MARCO: variants seen among roughly 807,000 people sequenced by gnomAD.
MARCO encodes macrophage receptor with collagenous structure.
MARCO carries 72 observed loss-of-function variants against 70.0 expected under a neutral mutation model. That is an observed-to-expected ratio of 1.03 (90% CI 0.85 to 1.25). The LOEUF (loss-of-function observed/expected upper bound fraction) is 1.25. MARCO is among the 50% of genes most tolerant of loss of function. The probability of loss-of-function intolerance (pLI) is 0.00; values close to 1 mark genes in which losing one functional copy is unlikely to be tolerated. For missense variants in MARCO, 696 were observed against 659.3 expected (o/e 1.06, Z -0.61); for synonymous variants, 273 against 243.1 (o/e 1.12, Z -1.14).
intron 1 of MARCO, chr2:118,944,752 A>G (rs1384295585): frequency 2.0e-5 from 3 of 152,072 alleles, no homozygotes; most frequent in Non-Finnish European, 4.4e-5. Flanking sequence ...AAACTTTTGG[A>G]ATATAACCTT....
chr2:118,955,650 A>G lies in MARCO; in HGVS notation c.97+13253A>G, dbSNP rs572761785. On this transcript the variant is annotated intron_variant, in intron 1 of 16. Transcript: ENST00000327097. ...AAGATCTTCCCCTAGACACATTGTCATCAGGTTATCTAAAGTTAAGATGAA... is the reference window on the plus strand; with the variant it reads ...AAGATCTTCCCCTAGACACATTGTCGTCAGGTTATCTAAAGTTAAGATGAA... 2.5e-4 allele frequency among the ~76,000 whole-genome samples: 38 copies of G among 152,362 alleles called. 1 individual carries two copies. The South Asian group carries it at 7.0e-3, about 28-fold the overall frequency.
At position 118,994,248 on chromosome 2, in the gene MARCO, C is replaced by T. The variant is rs569264800; in HGVS notation, c.1430-139C>T. 8.1e-6 allele frequency: 7 copies of T among 864,084 alleles called. No individual in the cohort carries two copies. In the South Asian group the frequency reaches 1.1e-4, roughly 13 times the overall value. 53.5% of individuals were successfully genotyped at this position (864,084 alleles called of 1,614,324 possible). A position where few individuals can be genotyped will look rare whatever the true frequency, so the allele number is the denominator to read the frequency against. On this transcript the variant is annotated intron_variant, in intron 16 of 16. Transcript: ENST00000327097. ...AAACAGGCTAAGCCAGCCATCAGCACATTGGGCCGGAATGGGCCAGAATGA... is the reference window on the plus strand; with the variant it reads ...AAACAGGCTAAGCCAGCCATCAGCATATTGGGCCGGAATGGGCCAGAATGA...
At chr2:118,977,432 C>G in intron 6 of MARCO, 39 bp from the exon 7 acceptor site, 1 of 1,566,924 alleles carries the variant, frequency 6.4e-7, no homozygotes, top group Non-Finnish European at 8.8e-7. Context: ...TAGACATTCT[C>G]AGGCCACAGC....
chr2:118,953,850 T>A (rs560701358), intron 1 of MARCO, among the ~76,000 whole-genome samples: 9 of 152,278 alleles, frequency 5.9e-5, no homozygotes, highest in African/African-American at 2.2e-4. Context: ...TACCTGGAGC[T>A]GATCAAGTTA....
chr2:118,985,294 C>T (rs933158721), intron 12 of MARCO, among the ~76,000 whole-genome samples: 2 of 152,042 alleles, frequency 1.3e-5, no homozygotes, highest in African/African-American at 2.4e-5. Flanking sequence ...AAATCGGTTA[C>T]CTTCACCCTG....
At chr2:118,991,969 C>T (rs1463411710) in intron 14 of MARCO, 94 bp downstream of exon 14, 5 of 928,706 alleles carry the variant, frequency 5.4e-6, no homozygotes, top group Non-Finnish European at 8.2e-6. Context: ...TTTAAGAGTT[C>T]TGGGGATTTT....
intron 8 of MARCO, 127 bp from the exon 9 acceptor site, chr2:118,981,282 G>C (rs953683777): frequency 1.9e-5 from 13 of 672,116 alleles, no homozygotes; most frequent in Admixed American, 9.1e-5. Flanking sequence ...TTCCACTCGC[G>C]GGCACCAAGT....
chr2:118,969,307 G>T (rs1264200292), intron 2 of MARCO, 46 bp downstream of exon 2: 1 of 1,512,206 alleles, frequency 6.6e-7, no homozygotes, highest in African/African-American at 1.4e-5. Flanking sequence ...GGGGAGAGGG[G>T]TGACCCAGCT....
At chr2:118,984,684 T>C (rs1225735582) in intron 12 of MARCO, among the ~76,000 whole-genome samples, 1 of 152,210 alleles carries the variant, frequency 6.6e-6, no homozygotes, top group South Asian at 2.1e-4. Flanking sequence ...CCTGGAGTCA[T>C]AGGCTAATAA....
intron 1 of MARCO, chr2:118,949,641 A>C (rs1679680613): frequency 7.0e-5 from 1 of 14,196 alleles, no homozygotes; most frequent in African/African-American, 1.0e-3. Flanking sequence ...AGGAAAGGAA[A>C]GGAAAAAGAT....
intron 12 of MARCO, among the ~76,000 whole-genome samples, chr2:118,985,835 C>T (rs1265530891): frequency 2.6e-5 from 4 of 152,164 alleles, no homozygotes; most frequent in African/African-American, 9.7e-5. Flanking sequence ...ATTGGAAATT[C>T]TTTATCTCAA....
intron 1 of MARCO, among the ~76,000 whole-genome samples, chr2:118,961,836 G>T (rs931697061): frequency 1.3e-5 from 2 of 152,078 alleles, no homozygotes; most frequent in African/African-American, 4.8e-5. Flanking sequence ...TTCTTCCAGG[G>T]TTTTTATAGT....
chr2:118,950,408 A>C (rs1424763651), intron 1 of MARCO, among the ~76,000 whole-genome samples: 2 of 152,134 alleles, frequency 1.3e-5, no homozygotes, highest in African/African-American at 4.8e-5. Context: ...TACACACAGA[A>C]TTTCCTTTAC....
chr2:118,975,689 C>T (rs143292609), intron 6 of MARCO, among the ~76,000 whole-genome samples: 11 of 152,200 alleles, frequency 7.2e-5, no homozygotes, highest in African/African-American at 2.6e-4. Flanking sequence ...CTTGCATTCT[C>T]ACACTCACTC....
chr2:118,993,362 G>A, intron 16 of MARCO, 62 bp downstream of exon 16: 1 of 1,537,114 alleles, frequency 6.5e-7, no homozygotes, highest in Non-Finnish European at 8.9e-7. Flanking sequence ...TTCTCTCGCT[G>A]GTGGGGTGTT....
intron 1 of MARCO, among the ~76,000 whole-genome samples, chr2:118,955,721 T>C (rs1679822352): frequency 6.6e-6 from 1 of 152,158 alleles, no homozygotes; most frequent in South Asian, 2.1e-4. Flanking sequence ...AGGTAACCTA[T>C]AAAGGAAAAC....
intron 1 of MARCO, among the ~76,000 whole-genome samples, chr2:118,966,884 GTTAT>G (rs1335276467): frequency 1.3e-5 from 2 of 152,182 alleles, no homozygotes; most frequent in African/African-American, 4.8e-5. Flanking sequence ...CCCCTCGTGT[GTTAT>G]TTGTCTTCAT....
intron 1 of MARCO, among the ~76,000 whole-genome samples, chr2:118,956,148 T>C (rs1218001188): frequency 6.6e-6 from 1 of 152,206 alleles, no homozygotes; most frequent in Admixed American, 6.5e-5. Context: ...ATTTCAATAC[T>C]AGCATTAAAT....
chr2:118,982,323 G>A (rs1680409976), intron 11 of MARCO, 25 bp from the exon 12 acceptor site: 1 of 1,613,496 alleles, frequency 6.2e-7, no homozygotes, highest in African/African-American at 1.3e-5. Flanking sequence ...CAGCCCTTAT[G>A]CTCTCTGTGG....
Sources: allele counts gnomAD v4.1 joint callset (sites outside exome capture counted in the v4.1 genomes callset), GRCh38; gene constraint gnomAD v4.1.1; transcripts MANE v1.5; gene names NCBI Gene and HGNC (gene_info 2026-07-23, HGNC 2026-07-21).